Variants in GALNT17 observed in about 807,000 individuals in gnomAD.
The protein encoded by GALNT17 is UDP-GalNAc:polypeptide N-acetylgalactosaminyltransferase-like 3.
In GALNT17, 29 loss-of-function variants were observed where a neutral mutation model predicts 63.7. The observed-to-expected ratio is 0.46, with a 90% CI of 0.34 to 0.62. The LOEUF (loss-of-function observed/expected upper bound fraction) is 0.62, where lower values mean the gene tolerates loss of function less well. Ranked by LOEUF, GALNT17 falls within the 20% of genes least tolerant of loss-of-function variation. GALNT17 has a pLI of 0.01. For synonymous variants in GALNT17, 305 were observed against 318.3 expected, an observed-to-expected ratio of 0.96 and a Z score of 0.45; for missense variants, 603 against 799.6, an observed-to-expected ratio of 0.75 and a Z score of 2.97.
At chr7:71,239,300 C>CT (rs925605453) in intron 1 of GALNT17, among the ~76,000 whole-genome samples, 5 of 90,780 alleles carry the variant, frequency 5.5e-5, no homozygotes, top group Non-Finnish European at 1.1e-4. Context: ...TCTGTACCCC[C>CT]CCCCAAAAAA....
intron 5 of GALNT17, among the ~76,000 whole-genome samples, chr7:71,484,144 A>G (rs1330602409): frequency 1.3e-5 from 2 of 152,220 alleles, no homozygotes; most frequent in Non-Finnish European, 2.9e-5. Context: ...TGATGAAAGT[A>G]TAGTGTAGTA....
chr7:71,571,259 G>C lies in GALNT17; in HGVS notation c.963-26G>C, dbSNP rs202165488. 1.2e-4 allele frequency: 185 copies of C among 1,606,340 alleles called. No individual in the cohort carries two copies. In the South Asian group the frequency reaches 1.9e-3, roughly 17 times the overall value. ...GCTTCTGGCACTGACACCTCAATGA[G>C]CTTCCCTTCTTTCTCCCTCCCTCAG... On this transcript the variant is annotated intron_variant, in intron 5 of 10. Transcript: ENST00000333538.
intron 1 of GALNT17, among the ~76,000 whole-genome samples, chr7:71,293,299 A>G (rs1286252134): frequency 4.6e-5 from 7 of 152,142 alleles, no homozygotes; most frequent in East Asian, 1.9e-4. Context: ...CATGATGTTT[A>G]TGCTAATTTA....
At chr7:71,265,003 T>C (rs1790462322) in intron 1 of GALNT17, among the ~76,000 whole-genome samples, 1 of 149,174 alleles carries the variant, frequency 6.7e-6, no homozygotes, top group East Asian at 2.0e-4. Context: ...TTCATAGAAA[T>C]GATCAACCCT....
rs367563882 is a variant in GALNT17 at position 71,151,464 on chromosome 7, A to G, written c.238+18424A>G. On this transcript the variant is annotated intron_variant, in intron 1 of 10. Coordinates refer to ENST00000333538, the MANE Select transcript of GALNT17 (RefSeq NM_022479.3). ...GTGAAACCCTGTCTCTACTAAAAAT[A>G]CAAAAAATTAGTCAGGCGTGGTGGC... Among the ~76,000 whole-genome samples, 26 of 152,098 alleles carry G rather than the reference A, an allele frequency of 1.7e-4. No individual in the cohort carries two copies. In the East Asian group the frequency reaches 4.3e-3, roughly 25 times the overall value.
Position 71,212,712 on chromosome 7 carries a change from C to A in GALNT17, c.238+79672C>A, listed in dbSNP as rs115580300. 3.1e-3 allele frequency among the ~76,000 whole-genome samples: 475 copies of A among 152,248 alleles called. 3 individuals carry two copies. Among genetic ancestry groups the A allele is most frequent in the African/African-American group, 0.01 (435 of 41,550 alleles). On this transcript the variant is annotated intron_variant, in intron 1 of 10. Transcript: ENST00000333538. The stretch of plus-strand genomic sequence containing the variant: ...GCATCAGTGTGACCTGGATGTGAGA[C>A]CTGGAGTCAAAGGAGAGAGATCATT...
chr7:71,322,728 A>G (rs1398612651), intron 1 of GALNT17, among the ~76,000 whole-genome samples: 2 of 152,126 alleles, frequency 1.3e-5, no homozygotes, highest in African/African-American at 4.8e-5. Flanking sequence ...AAACTCTTAT[A>G]ATGGGATCAG....
intron 1 of GALNT17, among the ~76,000 whole-genome samples, chr7:71,149,391 T>A (rs981241526): frequency 2.0e-5 from 3 of 152,130 alleles, no homozygotes; most frequent in African/African-American, 7.2e-5. Context: ...ATTCTGAGTC[T>A]CCTTTGCGAA....
chr7:71,269,102 G>A (rs992636672), intron 1 of GALNT17, among the ~76,000 whole-genome samples: 5 of 152,060 alleles, frequency 3.3e-5, no homozygotes, highest in Non-Finnish European at 7.4e-5. Flanking sequence ...ACCCTCAGCC[G>A]GGCCCTTTAA....
chr7:71,338,371 A>ATG (rs1260900871), intron 2 of GALNT17, among the ~76,000 whole-genome samples: 1 of 151,036 alleles, frequency 6.6e-6, no homozygotes, highest in Non-Finnish European at 1.5e-5. Context: ...ATATATATAT[A>ATG]TAAATTAGCC....
chr7:71,679,451 G>A (rs943323547), intron 9 of GALNT17, among the ~76,000 whole-genome samples: 19 of 152,104 alleles, frequency 1.2e-4, no homozygotes, highest in African/African-American at 4.6e-4. Flanking sequence ...CAACTAATAT[G>A]TCTTGATTAC....
intron 5 of GALNT17, among the ~76,000 whole-genome samples, chr7:71,532,469 T>C (rs763736110): frequency 3.3e-5 from 5 of 152,170 alleles, no homozygotes; most frequent in African/African-American, 4.8e-5. Flanking sequence ...ATTAATGATA[T>C]CATCACTTTC....
chr7:71,640,532 T>C (rs1051128906), intron 6 of GALNT17, among the ~76,000 whole-genome samples: 8 of 152,228 alleles, frequency 5.3e-5, no homozygotes, highest in African/African-American at 1.9e-4. Context: ...TATTACATTC[T>C]AGTTGTTGTG....
chr7:71,559,238 C>T (rs1789214198), intron 5 of GALNT17, among the ~76,000 whole-genome samples: 1 of 151,810 alleles, frequency 6.6e-6, no homozygotes, highest in Non-Finnish European at 1.5e-5. Context: ...CGTAATGTGC[C>T]AGTTGAGAAT....
chr7:71,635,251 T>C (rs1466630774), intron 6 of GALNT17, among the ~76,000 whole-genome samples: 1 of 150,648 alleles, frequency 6.6e-6, no homozygotes, highest in African/African-American at 2.4e-5. Flanking sequence ...AGATAAACGA[T>C]TATGGAGACC....
chr7:71,376,668 C>A (rs1219767205), intron 2 of GALNT17, among the ~76,000 whole-genome samples: 2 of 151,878 alleles, frequency 1.3e-5, no homozygotes, highest in South Asian at 4.2e-4. Context: ...AGAAGAAAAT[C>A]CTTCTAGGCA....
Position 71,482,081 on chromosome 7 carries a change from A to ATGTGTGTG in GALNT17, c.962+61002_962+61009dup, listed in dbSNP as rs10678512. Among the ~76,000 whole-genome samples the ATGTGTGTG allele has an allele frequency of 8.4e-3, 1,159 of 138,198 alleles. 18 individuals carry two copies. The highest frequency in any genetic ancestry group is 0.028 in the African/African-American group (1,005 of 35,824). The allele number at this position is 138,198 out of a possible 152,430, so 90.7% of individuals were successfully genotyped here. On this transcript the variant is annotated intron_variant, in intron 5 of 10. Transcript: ENST00000333538. ...GATGTATAGGTATACATATATGTAT[A>ATGTGTGTG]TGTGTGTGTGTGTGTGTGTGTGTGT...
chr7:71,377,102 AAAAATAAAAAAAATAT>A (rs1792748035), intron 2 of GALNT17, among the ~76,000 whole-genome samples: 5 of 40,424 alleles, frequency 1.2e-4, no homozygotes, highest in Middle Eastern at 0.01. Flanking sequence ...AAAAAAAAAT[AAAAATAAAAAAAATAT>A]ATATATATAT....
Position 71,571,387 on chromosome 7 carries a change from T to G in GALNT17, c.1065T>G (p.Ile355Met). ...PGMDVYGGEN[I>M]ELGIKVWLCG... is the part of the protein sequence containing the mutation. Reference sequence around the variant, plus strand: ...TGGATGTATACGGAGGAGAAAATATTGAACTGGGAATCAAGGTTTGTGACA... The same window carrying G: ...TGGATGTATACGGAGGAGAAAATATGGAACTGGGAATCAAGGTTTGTGACA... The change falls in exon 6 of 11, where the codon ATT (isoleucine) becomes ATG (methionine). Residue 355 changes from isoleucine (I) to methionine (M), a missense_variant. By Grantham distance (10) the Ile-to-Met change is conservative. Coordinates refer to ENST00000333538, the MANE Select transcript of GALNT17 (RefSeq NM_022479.3). The G allele has an allele frequency of 6.2e-7, 1 of 1,613,776 alleles. No individual in the cohort carries two copies. Among genetic ancestry groups the G allele is most frequent in the Non-Finnish European group, 8.5e-7 (1 of 1,179,716 alleles).
Sources: gnomAD v4.1 joint callset for allele counts (sites outside exome capture counted in the v4.1 genomes callset) on GRCh38, gnomAD v4.1.1 for gene constraint, MANE v1.5 for transcripts, NCBI Gene and HGNC (gene_info 2026-07-23, HGNC 2026-07-21) for gene names.